The following HEPH variants were observed in gnomAD, a reference collection of about 807,000 sequenced individuals.
The protein encoded by HEPH is hephaestin.
Under a neutral mutation model 80.8 loss-of-function variants are expected in HEPH, and 69 were observed. That is an observed-to-expected ratio of 0.85 (90% CI 0.70 to 1.04). The LOEUF is 1.04. Ranked by LOEUF, HEPH falls within the 50% of genes least tolerant of loss-of-function variation. The pLI is 0.00. For missense variants in HEPH, 1,115 were observed against 891.3 expected (o/e 1.25, Z -3.20); for synonymous variants, 431 against 322.8 (o/e 1.34, Z -3.60).
chrX:66,226,523 A>T (rs2089898533), intron 15 of HEPH, among the ~76,000 whole-genome samples: 1 of 112,263 alleles, frequency 8.9e-6, no homozygotes, highest in Non-Finnish European at 1.9e-5. Flanking sequence ...CTTTGAAAAG[A>T]CAAATAAAAT....
intron 1 of HEPH, among the ~76,000 whole-genome samples, chrX:66,167,841 G>T (rs775197220): frequency 7.1e-5 from 8 of 111,911 alleles, no homozygotes; most frequent in Non-Finnish European, 1.3e-4. Flanking sequence ...TTTTATAGAT[G>T]GGAAAAATGA....
chrX:66,175,062 G>C (rs2086744487), intron 4 of HEPH, among the ~76,000 whole-genome samples: 1 of 111,569 alleles, frequency 9.0e-6, no homozygotes, highest in South Asian at 3.7e-4. Flanking sequence ...TTGCCTTTGG[G>C]TTCTTGGTCA....
At chrX:66,186,200 G>A (rs1328012165) in intron 4 of HEPH, among the ~76,000 whole-genome samples, 9 of 98,555 alleles carry the variant, frequency 9.1e-5, no homozygotes, top group Non-Finnish European at 1.6e-4. Flanking sequence ...ACAGAGGCAG[G>A]CAGGCCTCCT....
Position 66,266,575 on chromosome X carries a change from G to T in HEPH, c.3380G>T (p.Gly1127Val), listed in dbSNP as rs765363439. 2.5e-6 allele frequency: 3 copies of T among 1,210,831 alleles called. No individual in the cohort carries two copies. The highest frequency in any genetic ancestry group is 4.6e-4 in the Middle Eastern group (2 of 4,348). The change falls in exon 21 of 21, where the codon GGT becomes GTT. Residue 1127 changes from glycine to valine, a missense_variant. Physicochemically the swap from Gly to Val is moderately radical, Grantham distance 109. Coordinates refer to ENST00000343002, the MANE Select transcript of HEPH (RefSeq NM_001367233.3). ...CTTCTGCTCGTTGTTCTGGCTCTTG[G>T]TGGAGTGGTTTGGTACCAACATCGA... ...VTLLLVVLAL[G>V]GVVWYQHRQR...
chrX:66,193,882 G>A (rs2087945323), intron 8 of HEPH, among the ~76,000 whole-genome samples: 1 of 111,889 alleles, frequency 8.9e-6, no homozygotes, highest in Non-Finnish European at 1.9e-5. Flanking sequence ...GTTTATTTTT[G>A]TTTATCATGA....
chrX:66,182,015 T>A (rs1190644597), intron 4 of HEPH, among the ~76,000 whole-genome samples: 16 of 108,776 alleles, frequency 1.5e-4, no homozygotes, highest in African/African-American at 5.4e-4. Flanking sequence ...GTTGTAGATA[T>A]GCGGCATTAT....
intron 19 of HEPH, among the ~76,000 whole-genome samples, chrX:66,261,360 C>T (rs1434840823): frequency 9.0e-6 from 1 of 111,393 alleles, no homozygotes; most frequent in African/African-American, 3.3e-5. Context: ...ACCAGCCACT[C>T]TTTGTTCCTC....
intron 15 of HEPH, among the ~76,000 whole-genome samples, chrX:66,245,495 C>T (rs1452242817): frequency 3.6e-5 from 4 of 111,249 alleles, no homozygotes; most frequent in Non-Finnish European, 7.5e-5. Context: ...CCTTAGAGAC[C>T]TACAAAGAGA....
At chrX:66,223,801 G>T (rs950824228) in intron 15 of HEPH, among the ~76,000 whole-genome samples, 2 of 111,219 alleles carry the variant, frequency 1.8e-5, no homozygotes, top group Admixed American at 9.5e-5. Context: ...TTTACCAAAG[G>T]CATATTTTAC....
At chrX:66,186,680 G>C (rs1324637266) in intron 4 of HEPH, among the ~76,000 whole-genome samples, 1 of 111,618 alleles carries the variant, frequency 9.0e-6, no homozygotes, top group African/African-American at 3.3e-5. Flanking sequence ...CTCACGCTGG[G>C]AGCTGTAGAC....
chrX:66,164,555 C>G (rs1270581174), intron 1 of HEPH, 85 bp downstream of exon 1: 2 of 658,422 alleles, frequency 3.0e-6, no homozygotes, highest in East Asian at 3.2e-4. Flanking sequence ...TTAAGGGAGT[C>G]CTGGCCACTA....
At chrX:66,210,998 C>T (rs773568471) in intron 15 of HEPH, among the ~76,000 whole-genome samples, 3 of 111,120 alleles carry the variant, frequency 2.7e-5, no homozygotes, top group East Asian at 2.8e-4. Context: ...GAGAGCTGTA[C>T]GGATAGAAGA....
At chrX:66,186,098 C>T (rs1228042045) in intron 4 of HEPH, among the ~76,000 whole-genome samples, 2 of 45,730 alleles carry the variant, frequency 4.4e-5, no homozygotes, top group Non-Finnish European at 7.7e-5. Context: ...AACCACTGCT[C>T]TCTTCAAAGC....
At chrX:66,238,913 A>G (rs1447659791) in intron 15 of HEPH, among the ~76,000 whole-genome samples, 1 of 112,664 alleles carries the variant, frequency 8.9e-6, no homozygotes, top group Non-Finnish European at 1.9e-5. Flanking sequence ...GGGTTGGGCT[A>G]GTTATCTGCA....
intron 15 of HEPH, among the ~76,000 whole-genome samples, chrX:66,208,836 G>T (rs1222152297): frequency 1.9e-5 from 2 of 106,457 alleles, no homozygotes; most frequent in African/African-American, 6.8e-5. Context: ...TACAGTATGA[G>T]CTCCTAATCT....
At chrX:66,196,737 A>T (rs2088123117) in intron 9 of HEPH, among the ~76,000 whole-genome samples, 1 of 112,004 alleles carries the variant, frequency 8.9e-6, no homozygotes. Flanking sequence ...TCAAAATGAC[A>T]GTCTTGTAGG....
chrX:66,196,634 C>T (rs986383058), intron 9 of HEPH, among the ~76,000 whole-genome samples: 3 of 111,751 alleles, frequency 2.7e-5, no homozygotes, highest in Non-Finnish European at 3.8e-5. Flanking sequence ...GAAAGATTTG[C>T]AGTCCTATCA....
At position 66,260,315 on chromosome X, in the gene HEPH, T is replaced by G. The variant is rs772253113; in HGVS notation, c.3199+53T>G. ...ATCTTCTAACACTTTATCTAGCCTATAGGAAGCAGGTAATACCAAAAAGCC... is the reference window on the plus strand; with the variant it reads ...ATCTTCTAACACTTTATCTAGCCTAGAGGAAGCAGGTAATACCAAAAAGCC... On this transcript the variant is annotated intron_variant, in intron 19 of 20. Coordinates refer to ENST00000343002, the MANE Select transcript of HEPH (RefSeq NM_001367233.3). 8.0e-5 allele frequency: 83 copies of G among 1,038,133 alleles called. No individual in the cohort carries two copies. In the South Asian group the frequency reaches 1.6e-3, roughly 20 times the overall value. 85.6% of individuals were successfully genotyped at this position (1,038,133 alleles called of 1,213,427 possible).
At chrX:66,167,691 T>C (rs2086434271) in intron 1 of HEPH, among the ~76,000 whole-genome samples, 1 of 112,201 alleles carries the variant, frequency 8.9e-6, no homozygotes, top group South Asian at 3.7e-4. Context: ...ATGTAAGTAT[T>C]GGCAGCATGT....
Sources: gnomAD v4.1 joint callset for allele counts (sites outside exome capture counted in the v4.1 genomes callset) on GRCh38, gnomAD v4.1.1 for gene constraint, MANE v1.5 for transcripts, NCBI Gene and HGNC (gene_info 2026-07-23, HGNC 2026-07-21) for gene names.